NOPCHAP1: variants seen among roughly 807,000 people sequenced by gnomAD.
NOPCHAP1 encodes the protein DNA damage-sensitive RNA 1.
A neutral mutation model predicts 14.0 loss-of-function variants in NOPCHAP1; 13 were observed. That is an observed-to-expected ratio of 0.93 (90% CI 0.60 to 1.47). The LOEUF is 1.47. NOPCHAP1 is among the 40% of genes most tolerant of loss of function. The probability of loss-of-function intolerance (pLI) is 0.00; values close to 1 mark genes in which losing one functional copy is unlikely to be tolerated. For missense variants in NOPCHAP1, 230 were observed against 226.9 expected, an observed-to-expected ratio of 1.01 and a Z score of -0.09; for synonymous variants, 78 against 78.4, an observed-to-expected ratio of 1.00 and a Z score of 0.03.
rs535675279 is a variant in NOPCHAP1 at position 105,006,213 on chromosome 12, C to T, written c.*11517C>T. The stretch of plus-strand genomic sequence containing the variant: ...AAATTTATTGTTTCAGGCTTGATGG[C>T]TTTCACAGCTTTTTCTATAACAATG... On this transcript the variant is annotated 3_prime_UTR_variant, in exon 4 of 4. Coordinates refer to ENST00000552951, the MANE Select transcript of NOPCHAP1 (RefSeq NM_152318.3). The T allele has an allele frequency of 6.6e-6, 1 of 152,308 alleles. No homozygotes were observed. Among genetic ancestry groups the T allele is most frequent in the East Asian group, 1.9e-4 (1 of 5,190 alleles). 9.4% of individuals were successfully genotyped at this position (152,308 alleles called of 1,614,324 possible).
In NOPCHAP1 at chr12:105,014,095, A is replaced by G. The variant is rs940418192; in HGVS notation, c.*19399A>G. ...GAGTAGATACTTGCAACACGAGCTC[A>G]TCGCAATAGCAACAGGAGGTGACCA... On this transcript the variant is annotated 3_prime_UTR_variant, in exon 4 of 4. Coordinates refer to ENST00000552951, the MANE Select transcript of NOPCHAP1 (RefSeq NM_152318.3). 1.3e-5 allele frequency: 2 copies of G among 152,252 alleles called. No individual in the cohort carries two copies. Among genetic ancestry groups the G allele is most frequent in the African/African-American group, 2.4e-5 (1 of 41,462 alleles). 9.4% of individuals were successfully genotyped at this position (152,252 alleles called of 1,614,324 possible). A position where few individuals can be genotyped will look rare whatever the true frequency, so the allele number is the denominator to read the frequency against.
chr12:104,991,678 A>G (rs753126952), intron 2 of NOPCHAP1, 34 bp from the exon 3 acceptor site: 42 of 1,561,124 alleles, frequency 2.7e-5, no homozygotes, highest in Non-Finnish European at 3.1e-5. Flanking sequence ...ATTTACTAGC[A>G]TAAATGTTGA....
At chr12:104,988,567 A>G (rs1451175279) in intron 2 of NOPCHAP1, among the ~76,000 whole-genome samples, 3 of 152,214 alleles carry the variant, frequency 2.0e-5, no homozygotes, top group Non-Finnish European at 4.4e-5. Flanking sequence ...TATGGATGGA[A>G]AACCACAACC....
Position 105,009,033 on chromosome 12 carries a change from GC to G in NOPCHAP1, c.*14338del, listed in dbSNP as rs1873762612. Reference sequence around the variant, plus strand: ...AATTCTGTGAAGAAAGTCAATGGTAGCTTGATGGGGATAGCATTGAATCTAT... The same window carrying G: ...AATTCTGTGAAGAAAGTCAATGGTAGTTGATGGGGATAGCATTGAATCTAT... On this transcript the variant is annotated 3_prime_UTR_variant, in exon 4 of 4. Transcript: ENST00000552951. 6.6e-6 allele frequency: 1 copy of G among 152,174 alleles called. No individual in the cohort carries two copies. The highest frequency in any genetic ancestry group is 2.4e-5 in the African/African-American group (1 of 41,438). 9.4% of individuals were successfully genotyped at this position (152,174 alleles called of 1,614,324 possible).
At position 105,015,224 on chromosome 12, in the gene NOPCHAP1, T is replaced by G. The variant is rs1163027681; in HGVS notation, c.*20528T>G. 2.0e-5 allele frequency: 3 copies of G among 152,226 alleles called. No individual in the cohort carries two copies. The highest frequency in any genetic ancestry group is 7.2e-5 in the African/African-American group (3 of 41,458). The allele number at this position is 152,226 out of a possible 1,614,324, so 9.4% of individuals were successfully genotyped here. ...ACACCAGAACTGTACACAGCCGTGATGAGTTATTGGCATAGGTACTTATTT... is the reference window on the plus strand; with the variant it reads ...ACACCAGAACTGTACACAGCCGTGAGGAGTTATTGGCATAGGTACTTATTT... On this transcript the variant is annotated 3_prime_UTR_variant, in exon 4 of 4. Transcript: ENST00000552951.
chr12:104,990,283 C>T (rs769495088), intron 2 of NOPCHAP1, among the ~76,000 whole-genome samples: 1 of 152,050 alleles, frequency 6.6e-6, no homozygotes, highest in Non-Finnish European at 1.5e-5. Flanking sequence ...CAGTTCAGGC[C>T]GCACATTTTG....
chr12:104,988,245 G>C lies in NOPCHAP1; in HGVS notation c.194G>C (p.Arg65Thr), dbSNP rs1283003969. 1 of 1,609,990 alleles carries C rather than the reference G, an allele frequency of 6.2e-7. No homozygotes were observed. The highest frequency in any genetic ancestry group is 8.5e-7 in the Non-Finnish European group (1 of 1,177,084). The change falls in exon 2 of 4, where the codon AGG becomes ACG. Residue 65 changes from arginine to threonine, a missense_variant. Coordinates refer to ENST00000552951, the MANE Select transcript of NOPCHAP1 (RefSeq NM_152318.3). Reference sequence around the variant, plus strand: ...ACTCTTCAAACAGTTCGGATAGAGAGGAGTCCCTGTAAGTACCTCTTCCCC... The same window carrying C: ...ACTCTTCAAACAGTTCGGATAGAGACGAGTCCCTGTAAGTACCTCTTCCCC... The part of the protein sequence containing the change: ...TSTLQTVRIE[R>T]SPLLDQVQTF...
Position 104,994,569 on chromosome 12 carries a change from A to T in NOPCHAP1, c.431A>T (p.Glu144Val), listed in dbSNP as rs367786401. ...CAAGACAGTTCAGAGAACAGTTCAG[A>T]ATCAGAAGACGAAGATGACAGCATC... is the stretch of plus-strand genomic sequence containing the variant. Reference protein sequence around the residue: ...SSQDSSENSSESEDEDDSIPS... With the variant: ...SSQDSSENSSVSEDEDDSIPS... Residue 144 changes from glutamate (E) to valine (V), a missense_variant, in exon 4 of 4, where the codon GAA becomes GTA. Glu to Val is a moderately radical substitution (Grantham distance 121, BLOSUM62 -2). Transcript: ENST00000552951. The T allele has an allele frequency of 2.5e-6, 4 of 1,612,928 alleles. No individual in the cohort carries two copies. The African/African-American group carries it at 5.3e-5, about 22-fold the overall frequency.
rs946061076 is a variant in NOPCHAP1, at chr12:105,001,065, T to C, written c.*6369T>C. On this transcript the variant is annotated 3_prime_UTR_variant, in exon 4 of 4. Transcript: ENST00000552951. ...TTCAGTTTAAAGTTTCATTTGTTCT[T>C]TTGAGCTTTCCAGAAGATTAAGGGT... 6 of 151,904 alleles carry C rather than the reference T, an allele frequency of 3.9e-5. No homozygotes were observed. Among genetic ancestry groups the C allele is most frequent in the African/African-American group, 1.5e-4 (6 of 41,354 alleles). The allele number at this position is 151,904 out of a possible 1,614,324, so 9.4% of individuals were successfully genotyped here. A position where few individuals can be genotyped will look rare whatever the true frequency, so the allele number is the denominator to read the frequency against.
chr12:104,990,093 A>G (rs1002241124), intron 2 of NOPCHAP1, among the ~76,000 whole-genome samples: 4 of 151,100 alleles, frequency 2.6e-5, no homozygotes, highest in Non-Finnish European at 4.4e-5. Flanking sequence ...CTCTTTATGG[A>G]TTATGTTTTC....
chr12:105,010,120 T>G lies in NOPCHAP1; in HGVS notation c.*15424T>G, dbSNP rs1054124864. ...GGGCTTTTTTTGGTTAGTAGTCTAT[T>G]AGTTACTGCCTCAATTTCAGAACTT... is the stretch of plus-strand genomic sequence containing the variant. On this transcript the variant is annotated 3_prime_UTR_variant, in exon 4 of 4. Coordinates refer to ENST00000552951, the MANE Select transcript of NOPCHAP1 (RefSeq NM_152318.3). The G allele has an allele frequency of 2.0e-5, 3 of 152,204 alleles. No individual in the cohort carries two copies. The highest frequency in any genetic ancestry group is 7.2e-5 in the African/African-American group (3 of 41,446). The allele number at this position is 152,204 out of a possible 1,614,324, so 9.4% of individuals were successfully genotyped here. A position where few individuals can be genotyped will look rare whatever the true frequency, so the allele number is the denominator to read the frequency against.
Position 105,011,509 on chromosome 12 carries a change from AT to A in NOPCHAP1, c.*16815del, listed in dbSNP as rs1187214783. ...TAGTCCATTTACATTTAAGGTTAATATTGTTATGTGCGAATTTGATCCTGTC... is the reference window on the plus strand; with the variant it reads ...TAGTCCATTTACATTTAAGGTTAATATGTTATGTGCGAATTTGATCCTGTC... On this transcript the variant is annotated 3_prime_UTR_variant, in exon 4 of 4. Coordinates refer to ENST00000552951, the MANE Select transcript of NOPCHAP1 (RefSeq NM_152318.3). 7 of 152,274 alleles carry A rather than the reference AT, an allele frequency of 4.6e-5. No individual in the cohort carries two copies. Among genetic ancestry groups the A allele is most frequent in the Middle Eastern group, 3.4e-3 (1 of 294 alleles). The allele number at this position is 152,274 out of a possible 1,614,324, so 9.4% of individuals were successfully genotyped here. A position where few individuals can be genotyped will look rare whatever the true frequency, so the allele number is the denominator to read the frequency against.
rs188506632 is a variant in NOPCHAP1, at chr12:105,007,264, C to T, written c.*12568C>T. 151 of 152,216 alleles carry T rather than the reference C, an allele frequency of 9.9e-4. No individual in the cohort carries two copies. The highest frequency in any genetic ancestry group is 3.4e-3 in the Middle Eastern group (1 of 294). The allele number at this position is 152,216 out of a possible 1,614,324, so 9.4% of individuals were successfully genotyped here. ...TATTTCACAAAAAGATTTTTGTGCC[C>T]GCTAGCGTAGCTGCAGCAATGGCTT... On this transcript the variant is annotated 3_prime_UTR_variant, in exon 4 of 4. Coordinates refer to ENST00000552951, the MANE Select transcript of NOPCHAP1 (RefSeq NM_152318.3).
chr12:104,998,064 T>C lies in NOPCHAP1; in HGVS notation c.*3368T>C, dbSNP rs1301897714. The stretch of plus-strand genomic sequence containing the variant: ...GTCAGATCGGTTTAGTTCTCTCTTA[T>C]AATGGCCGTTTTGTTTATCAGCTTC... On this transcript the variant is annotated 3_prime_UTR_variant, in exon 4 of 4. Transcript: ENST00000552951. 1 of 152,268 alleles carries C rather than the reference T, an allele frequency of 6.6e-6. No individual in the cohort carries two copies. The highest frequency in any genetic ancestry group is 2.4e-5 in the African/African-American group (1 of 41,480). The allele number at this position is 152,268 out of a possible 1,614,324, so 9.4% of individuals were successfully genotyped here.
In NOPCHAP1 at chr12:105,014,300, A is replaced by C. The variant is rs1306216111; in HGVS notation, c.*19604A>C. Reference sequence around the variant, plus strand: ...TAGATTTATATATTTTTTATGGTAGAAATGATGAGATAGACTGGTATCTAC... The same window carrying C: ...TAGATTTATATATTTTTTATGGTAGCAATGATGAGATAGACTGGTATCTAC... On this transcript the variant is annotated 3_prime_UTR_variant, in exon 4 of 4. Transcript: ENST00000552951. The C allele has an allele frequency of 6.6e-6, 1 of 152,266 alleles. No individual in the cohort carries two copies. Among genetic ancestry groups the C allele is most frequent in the Non-Finnish European group, 1.5e-5 (1 of 68,052 alleles). 9.4% of individuals were successfully genotyped at this position (152,266 alleles called of 1,614,324 possible). A position where few individuals can be genotyped will look rare whatever the true frequency, so the allele number is the denominator to read the frequency against.
At chr12:104,992,870 G>T (rs1390856618) in intron 3 of NOPCHAP1, among the ~76,000 whole-genome samples, 1 of 152,138 alleles carries the variant, frequency 6.6e-6, no homozygotes, top group East Asian at 1.9e-4. Flanking sequence ...CAAGGTCCGT[G>T]GAAGAATTTT....
rs777139153 is a variant in NOPCHAP1 at position 104,996,442 on chromosome 12, G to A, written c.*1746G>A. On this transcript the variant is annotated 3_prime_UTR_variant, in exon 4 of 4. Transcript: ENST00000552951. ...TATAGACAAATTGGGTATTGTGGGGGTTTGGTGTACAGATTATTTCATCAC... is the reference window on the plus strand; with the variant it reads ...TATAGACAAATTGGGTATTGTGGGGATTTGGTGTACAGATTATTTCATCAC... 1 of 151,680 alleles carries A rather than the reference G, an allele frequency of 6.6e-6. No homozygotes were observed. Among genetic ancestry groups the A allele is most frequent in the Non-Finnish European group, 1.5e-5 (1 of 67,992 alleles). 9.4% of individuals were successfully genotyped at this position (151,680 alleles called of 1,614,324 possible). A position where few individuals can be genotyped will look rare whatever the true frequency, so the allele number is the denominator to read the frequency against.
rs998715365 is a variant in NOPCHAP1, at chr12:105,009,537, G to A, written c.*14841G>A. The A allele has an allele frequency of 6.6e-6, 1 of 152,086 alleles. No individual in the cohort carries two copies. Among genetic ancestry groups the A allele is most frequent in the African/African-American group, 2.4e-5 (1 of 41,404 alleles). 9.4% of individuals were successfully genotyped at this position (152,086 alleles called of 1,614,324 possible). On this transcript the variant is annotated 3_prime_UTR_variant, in exon 4 of 4. Coordinates refer to ENST00000552951, the MANE Select transcript of NOPCHAP1 (RefSeq NM_152318.3). The stretch of plus-strand genomic sequence containing the variant: ...TGGTGAGAGAGGGCATCCTTGTTTT[G>A]TGCTGGTTTTCAAAGGGAATGCTTC...
chr12:104,992,581 C>G (rs1565938878), intron 3 of NOPCHAP1, among the ~76,000 whole-genome samples: 2 of 152,312 alleles, frequency 1.3e-5, no homozygotes, highest in East Asian at 1.9e-4. Context: ...GCCTGCAGTT[C>G]TCTATCTCAG....
Sources: gnomAD v4.1 joint callset for allele counts (sites outside exome capture counted in the v4.1 genomes callset) on GRCh38, gnomAD v4.1.1 for gene constraint, MANE v1.5 for transcripts, NCBI Gene and HGNC (gene_info 2026-07-23, HGNC 2026-07-21) for gene names.